Variants in FKBP15 observed in about 807,000 individuals in gnomAD.
FKBP15 encodes the protein FKBP prolyl isomerase family member 15.
In FKBP15, 106 loss-of-function variants were observed where a neutral mutation model predicts 158.1. The ratio of observed to expected loss-of-function variants is 0.67; its 90% CI spans 0.57 to 0.79. The LOEUF is 0.79. Ranked by LOEUF, FKBP15 falls within the 30% of genes least tolerant of loss-of-function variation. The pLI, the probability that FKBP15 is intolerant of heterozygous loss-of-function variation, is 0.00. For missense variants in FKBP15, 1,287 were observed against 1,479.1 expected, an observed-to-expected ratio of 0.87 and a Z score of 2.13; for synonymous variants, 547 against 548.6, an observed-to-expected ratio of 1.00 and a Z score of 0.04.
intron 13 of FKBP15, 22 bp downstream of exon 13, chr9:113,188,367 G>A (rs759336472): frequency 6.4e-7 from 1 of 1,569,490 alleles, no homozygotes. Flanking sequence ...CAAGGCCACA[G>A]AGCCTCAGAG....
intron 19 of FKBP15, among the ~76,000 whole-genome samples, chr9:113,179,093 C>T (rs536495416): frequency 2.6e-5 from 4 of 151,670 alleles, no homozygotes; most frequent in South Asian, 2.1e-4. Context: ...TGCAATGACA[C>T]GACATAGCTC....
chr9:113,178,518 A>T, intron 20 of FKBP15, 112 bp downstream of exon 20: 1 of 1,063,570 alleles, frequency 9.4e-7, no homozygotes, highest in Non-Finnish European at 1.3e-6. Flanking sequence ...TTTTTGGTGT[A>T]GTCCTTCAAA....
Position 113,170,639 on chromosome 9 carries a change from C to T in FKBP15, c.2659-10G>A, listed in dbSNP as rs1185332551. 6.3e-7 allele frequency: 1 copy of T among 1,579,422 alleles called. No homozygotes were observed. Among genetic ancestry groups the T allele is most frequent in the Non-Finnish European group, 8.7e-7 (1 of 1,148,458 alleles). Reference sequence around the variant, plus strand: ...TCATGATCTTCTTGACCTGTGTGAACATCAAAACACATGCTGTCAAAATCA... The same window carrying T: ...TCATGATCTTCTTGACCTGTGTGAATATCAAAACACATGCTGTCAAAATCA... On this transcript the variant is annotated splice_polypyrimidine_tract_variant and intron_variant, in intron 24 of 27. Transcript: ENST00000238256.
chr9:113,209,791 T>C (rs11790645), intron 2 of FKBP15, among the ~76,000 whole-genome samples: 20,405 of 152,256 alleles, frequency 0.13, 1,847 homozygotes, highest in Non-Finnish European at 0.19. Flanking sequence ...CTTCAGCACT[T>C]TTCTGCCTAT....
intron 19 of FKBP15, among the ~76,000 whole-genome samples, chr9:113,179,171 A>T (rs1469098549): frequency 6.6e-6 from 1 of 152,076 alleles, no homozygotes; most frequent in Non-Finnish European, 1.5e-5. Flanking sequence ...CTGGGACCAC[A>T]GGTGCAAGCT....
chr9:113,183,646 C>G, intron 18 of FKBP15, 105 bp downstream of exon 18: 1 of 721,564 alleles, frequency 1.4e-6, no homozygotes, highest in Non-Finnish European at 2.3e-6. Context: ...ACAGAAATGG[C>G]AGAAATACAT....
chr9:113,200,372 G>C (rs1830765022), intron 6 of FKBP15, among the ~76,000 whole-genome samples: 1 of 152,158 alleles, frequency 6.6e-6, no homozygotes, highest in Admixed American at 6.5e-5. Context: ...CTGATTTACT[G>C]TTTCAGTGTT....
intron 19 of FKBP15, among the ~76,000 whole-genome samples, chr9:113,179,385 C>T (rs902001980): frequency 3.5e-4 from 53 of 152,100 alleles, no homozygotes; most frequent in African/African-American, 1.2e-3. Context: ...AAATAAAGGC[C>T]GGGCGCAGTG....
In FKBP15 at chr9:113,184,602, A is replaced by G. The variant is rs2118889212; in HGVS notation, c.1608+93T>C. On this transcript the variant is annotated intron_variant, in intron 16 of 27. Coordinates refer to ENST00000238256, the MANE Select transcript of FKBP15 (RefSeq NM_015258.2). This position sits in a 1 kb window ranked among gnomAD's most constrained non-coding sequence, Gnocchi z 4.5. The stretch of plus-strand genomic sequence containing the variant: ...GGGAAATAACCTCTCACTACTACCA[A>G]TGCAGGAAATCAAAGAAGAGTTTAC... The G allele has an allele frequency of 1.9e-6, 2 of 1,072,292 alleles. No homozygotes were observed. Among genetic ancestry groups the G allele is most frequent in the East Asian group, 5.2e-5 (2 of 38,648 alleles). 66.4% of individuals were successfully genotyped at this position (1,072,292 alleles called of 1,614,324 possible).
chr9:113,193,691 T>A, intron 10 of FKBP15, 142 bp from the exon 11 acceptor site: 1 of 714,528 alleles, frequency 1.4e-6, no homozygotes, highest in Non-Finnish European at 2.4e-6. Flanking sequence ...TTCTTTAGTT[T>A]GCATAATCTT....
At chr9:113,219,917 C>T (rs1220675828) in intron 1 of FKBP15, among the ~76,000 whole-genome samples, 1 of 152,020 alleles carries the variant, frequency 6.6e-6, no homozygotes, top group East Asian at 1.9e-4. Context: ...CATCTAAAGA[C>T]GGGGTAGGAA....
Position 113,193,513 on chromosome 9 carries a change from A to C in FKBP15, c.1044T>G (p.Ser348Arg). Residue 348 changes from serine (S) to arginine (R), a missense_variant, in exon 11 of 28, where the codon AGT becomes AGG. Coordinates refer to ENST00000238256, the MANE Select transcript of FKBP15 (RefSeq NM_015258.2). ...TTACTGTATTTATTGCAAGTTGTTC[A>C]CTGAGGGAGTTAGATTTGGTACGAA... is the stretch of plus-strand genomic sequence containing the variant. The part of the protein sequence containing the change: ...PALRTKSNSL[S>R]EQLAINTSPD... 6.3e-7 allele frequency: 1 copy of C among 1,598,674 alleles called. No homozygotes were observed. The highest frequency in any genetic ancestry group is 1.1e-5 in the South Asian group (1 of 88,236).
intron 25 of FKBP15, 83 bp from the exon 26 acceptor site, chr9:113,170,025 A>G: frequency 7.0e-7 from 1 of 1,436,536 alleles, no homozygotes; most frequent in South Asian, 1.5e-5. Context: ...CTGGTCATGT[A>G]GTTTAAATGA....
Position 113,203,002 on chromosome 9 carries a change from G to A in FKBP15, c.358C>T (p.Pro120Ser). 1 of 1,612,834 alleles carries A rather than the reference G, an allele frequency of 6.2e-7. No homozygotes were observed. Among genetic ancestry groups the A allele is most frequent in the Non-Finnish European group, 8.5e-7 (1 of 1,179,424 alleles). The change falls in exon 5 of 28, where the codon CCA becomes TCA. Residue 120 changes from proline to serine, a missense_variant. Pro to Ser is a moderately conservative substitution (Grantham distance 74, BLOSUM62 -1). Coordinates refer to ENST00000238256, the MANE Select transcript of FKBP15 (RefSeq NM_015258.2). ...ACATGAATCCTAGCAACCGTAACTG[G>A]CTGTTGTTGACTGATATAAAGAAGA... is the stretch of plus-strand genomic sequence containing the variant. ...RILLYISQQQ[P>S]VTVARIHVNF...
intron 11 of FKBP15, among the ~76,000 whole-genome samples, chr9:113,191,857 T>C (rs1319210895): frequency 2.0e-5 from 3 of 151,732 alleles, no homozygotes; most frequent in Non-Finnish European, 4.4e-5. Flanking sequence ...AGGACAGGAA[T>C]AGGAGTGAGT....
At chr9:113,187,719 C>T (rs746976118) in intron 14 of FKBP15, 74 bp downstream of exon 14, 10 of 1,215,778 alleles carry the variant, frequency 8.2e-6, no homozygotes, top group African/African-American at 4.5e-5. Flanking sequence ...ATGAAATGTA[C>T]AGGAAGAAGA....
chr9:113,219,348 A>G (rs949922217), intron 1 of FKBP15, among the ~76,000 whole-genome samples: 2 of 152,240 alleles, frequency 1.3e-5, no homozygotes, highest in African/African-American at 4.8e-5. Context: ...ATATGGCTAT[A>G]AAAGAGGAAG....
At chr9:113,172,050 C>T (rs1256538313) in intron 23 of FKBP15, among the ~76,000 whole-genome samples, 1 of 150,682 alleles carries the variant, frequency 6.6e-6, no homozygotes, top group Non-Finnish European at 1.5e-5. Context: ...GCCCTGTGTC[C>T]AAGTGTTCTC....
At chr9:113,195,115 C>T (rs1270221735) in intron 9 of FKBP15, among the ~76,000 whole-genome samples, 1 of 152,154 alleles carries the variant, frequency 6.6e-6, no homozygotes, top group Non-Finnish European at 1.5e-5. Context: ...GAACGCTAAG[C>T]TTGTGGGAGT....
Sources: allele counts gnomAD v4.1 joint callset (sites outside exome capture counted in the v4.1 genomes callset), GRCh38; gene constraint gnomAD v4.1.1; non-coding constraint Gnocchi (gnomAD v3.1); transcripts MANE v1.5; gene names NCBI Gene and HGNC (gene_info 2026-07-23, HGNC 2026-07-21).